The following CCDC3 variants were observed in gnomAD, a reference collection of about 807,000 sequenced individuals.
CCDC3 encodes the protein coiled-coil domain containing 3.
A neutral mutation model predicts 21.4 loss-of-function variants in CCDC3; 24 were observed. That is an observed-to-expected ratio of 1.12 (90% confidence interval 0.81 to 1.58). CCDC3 has a LOEUF of 1.58. Among genes scored for constraint, CCDC3 ranks in the 40% most tolerant of loss-of-function variants. The pLI, the probability that CCDC3 is intolerant of heterozygous loss-of-function variation, is 0.00. For synonymous variants in CCDC3, 186 were observed against 166.0 expected, an observed-to-expected ratio of 1.12 and a Z score of -0.93; for missense variants, 425 against 360.9, an observed-to-expected ratio of 1.18 and a Z score of -1.44.
At chr10:13,009,650 G>T (rs1186847432) in intron 5 of CCDC3, among the ~76,000 whole-genome samples, 2 of 152,156 alleles carry the variant, frequency 1.3e-5, no homozygotes, top group African/African-American at 4.8e-5. Flanking sequence ...AAGCTGCAGA[G>T]ATAATTCATT....
intron 2 of CCDC3, among the ~76,000 whole-genome samples, chr10:12,953,175 A>G (rs942615097): frequency 6.6e-6 from 1 of 152,198 alleles, no homozygotes; most frequent in Non-Finnish European, 1.5e-5. Context: ...AGCAAGTCAC[A>G]TCTTACAAGG....
intron 2 of CCDC3, among the ~76,000 whole-genome samples, chr10:12,935,668 ATTTTTT>A (rs369781761): frequency 1.4e-5 from 2 of 140,916 alleles, no homozygotes; most frequent in Non-Finnish European, 1.6e-5. Context: ...ATCCAAGTAC[ATTTTTT>A]TTTTTTTTTG....
chr10:13,079,934 C>T (rs184518529), intron 3 of CCDC3, among the ~76,000 whole-genome samples: 19 of 152,216 alleles, frequency 1.2e-4, no homozygotes, highest in East Asian at 1.9e-4. Context: ...AGAAAGGGAA[C>T]TCAAGAATGC....
At chr10:12,962,342 C>T (rs1031694074) in intron 2 of CCDC3, among the ~76,000 whole-genome samples, 5 of 152,182 alleles carry the variant, frequency 3.3e-5, no homozygotes, top group African/African-American at 1.2e-4. Context: ...CAGTGGCTCA[C>T]GCCTGTAATC....
intron 3 of CCDC3, among the ~76,000 whole-genome samples, chr10:13,084,982 T>C (rs954803810): frequency 6.6e-6 from 1 of 152,158 alleles, no homozygotes; most frequent in Non-Finnish European, 1.5e-5. Context: ...GTTTTAAATC[T>C]CTCATCTGCC....
chr10:13,094,075 G>T (rs471062), intron 3 of CCDC3, among the ~76,000 whole-genome samples: 118,475 of 152,134 alleles, frequency 0.78, 46,981 homozygotes, highest in Non-Finnish European at 0.87. Flanking sequence ...ACATTTCATC[G>T]GTGCTGTGCT....
chr10:12,998,622 C>T, intron 1 of CCDC3, 110 bp from the exon 2 acceptor site: 1 of 908,640 alleles, frequency 1.1e-6, no homozygotes, highest in Non-Finnish European at 1.7e-6. Context: ...ACATCAATGT[C>T]TGGCATGGCT....
intron 2 of CCDC3, among the ~76,000 whole-genome samples, chr10:12,994,193 A>T (rs1403008782): frequency 6.6e-6 from 1 of 152,022 alleles, no homozygotes. Flanking sequence ...AGGCTGGGAG[A>T]TCGAGACCAG....
rs141983726 is a variant in CCDC3 at position 13,093,205 on chromosome 10, T to G, written c.-503+5320A>C. Reference sequence around the variant, plus strand: ...TAATGGACTCACAGTTCCACGTGGCTGGGGAGGCCTCACAATCATAGCGGA... The same window carrying G: ...TAATGGACTCACAGTTCCACGTGGCGGGGGAGGCCTCACAATCATAGCGGA... On this transcript the variant is annotated intron_variant, in intron 3 of 6. Transcript: ENST00000378839. 3.8e-3 allele frequency among the ~76,000 whole-genome samples: 577 copies of G among 152,220 alleles called. 3 individuals carry two copies. The highest frequency in any genetic ancestry group is 0.013 in the African/African-American group (545 of 41,526).
intron 2 of CCDC3, among the ~76,000 whole-genome samples, chr10:12,904,464 G>A (rs915362682): frequency 3.8e-4 from 2 of 5,322 alleles, no homozygotes; most frequent in Non-Finnish European, 2.3e-3. Context: ...GCAAAAGCCA[G>A]TCTTAAAAAA....
intron 3 of CCDC3, among the ~76,000 whole-genome samples, chr10:13,080,133 C>T (rs1564342392): frequency 1.3e-5 from 2 of 152,064 alleles, no homozygotes; most frequent in African/African-American, 4.8e-5. Flanking sequence ...AGACTGCAGC[C>T]GCATGGATCC....
chr10:12,999,341 T>A (rs911690830), intron 1 of CCDC3, among the ~76,000 whole-genome samples: 2 of 152,212 alleles, frequency 1.3e-5, no homozygotes, highest in African/African-American at 4.8e-5. Flanking sequence ...TGGTACAAAG[T>A]AAATGCAGTA....
At chr10:13,087,013 A>T (rs563238831) in intron 3 of CCDC3, among the ~76,000 whole-genome samples, 1 of 152,332 alleles carries the variant, frequency 6.6e-6, no homozygotes, top group Non-Finnish European at 1.5e-5. Flanking sequence ...GCACAGACAC[A>T]TCTTCTCAGC....
Position 12,953,063 on chromosome 10 carries a change from G to A in CCDC3, c.549+45275C>T, listed in dbSNP as rs144423995. Among the ~76,000 whole-genome samples, 457 of 150,430 alleles carry A rather than the reference G, an allele frequency of 3.0e-3. 1 individual carries two copies. Among genetic ancestry groups the A allele is most frequent in the Middle Eastern group, 0.017 (5 of 294 alleles). On this transcript the variant is annotated intron_variant, in intron 2 of 2. Coordinates refer to ENST00000378825, the MANE Select transcript of CCDC3 (RefSeq NM_031455.4). Reference sequence around the variant, plus strand: ...CCGTTTTCACACTGCTGATAAAGACGTACCCGAGACTGGGTAATTTATACA... The same window carrying A: ...CCGTTTTCACACTGCTGATAAAGACATACCCGAGACTGGGTAATTTATACA...
intron 2 of CCDC3, among the ~76,000 whole-genome samples, chr10:12,960,828 A>C (rs1363472853): frequency 2.0e-5 from 3 of 152,176 alleles, no homozygotes; most frequent in Non-Finnish European, 4.4e-5. Context: ...CAGAATGGGC[A>C]TTATCCCGAC....
rs1866625 is a variant in CCDC3 at position 13,095,847 on chromosome 10, A to G, written c.-503+2678T>C. 8.5e-3 allele frequency among the ~76,000 whole-genome samples: 1,299 copies of G among 152,334 alleles called. 55 individuals are homozygous for G. The highest frequency in any genetic ancestry group is 0.074 in the Admixed American group (1,137 of 15,302). On this transcript the variant is annotated intron_variant, in intron 3 of 6. Coordinates refer to the CCDC3 transcript ENST00000378839. ...TTCAATTACACTTAAAAAGTTGTAA[A>G]ACCATCATTACAATTCAAATTTAGT...
intron 5 of CCDC3, among the ~76,000 whole-genome samples, chr10:13,046,166 G>A (rs1836525097): frequency 6.6e-6 from 1 of 152,114 alleles, no homozygotes; most frequent in Non-Finnish European, 1.5e-5. Flanking sequence ...AGCACCTTGG[G>A]AGGCCAAGGC....
chr10:12,974,475 T>C (rs1396771658), intron 2 of CCDC3, among the ~76,000 whole-genome samples: 1 of 152,250 alleles, frequency 6.6e-6, no homozygotes, highest in Non-Finnish European at 1.5e-5. Context: ...ACTGTGATAT[T>C]TAAGTGATAT....
intron 2 of CCDC3, among the ~76,000 whole-genome samples, chr10:12,928,554 C>G (rs1346228387): frequency 6.6e-6 from 1 of 152,156 alleles, no homozygotes; most frequent in Non-Finnish European, 1.5e-5. Context: ...GTTGTCTCTT[C>G]AACAAGACAG....
Sources: allele counts gnomAD v4.1 joint callset (sites outside exome capture counted in the v4.1 genomes callset), GRCh38; gene constraint gnomAD v4.1.1; transcripts MANE v1.5; gene names NCBI Gene and HGNC (gene_info 2026-07-23, HGNC 2026-07-21).